BANP: variants seen among roughly 807,000 people sequenced by gnomAD.
BANP encodes the protein protein BANP.
BANP carries 11 observed loss-of-function variants against 68.1 expected under a neutral mutation model. The ratio of observed to expected loss-of-function variants is 0.16; its 90% CI spans 0.10 to 0.27. BANP has a LOEUF of 0.27. BANP is among the 10% of genes least tolerant of loss of function. The pLI is 1.00. For missense variants in BANP, 504 were observed against 722.7 expected (o/e 0.70, Z 3.47); for synonymous variants, 329 against 303.2 (o/e 1.09, Z -0.88).
At chr16:88,068,921 C>G (rs2089544449) in intron 12 of BANP, among the ~76,000 whole-genome samples, 1 of 151,794 alleles carries the variant, frequency 6.6e-6, no homozygotes, top group South Asian at 2.1e-4. Flanking sequence ...GCCAGAGTCT[C>G]TGCGGCTGAC....
intron 11 of BANP, among the ~76,000 whole-genome samples, chr16:88,061,082 C>T (rs547153923): frequency 2.4e-4 from 36 of 152,332 alleles, no homozygotes; most frequent in African/African-American, 8.4e-4. Context: ...CACTTCCCTT[C>T]CTTCGAGTTT....
At chr16:88,056,939 T>TA (rs2085201761) in intron 11 of BANP, among the ~76,000 whole-genome samples, 1 of 152,226 alleles carries the variant, frequency 6.6e-6, no homozygotes, top group African/African-American at 2.4e-5. Context: ...AACTACGGCT[T>TA]ACGTTCACCA....
chr16:87,993,385 T>C (rs1404674043), intron 4 of BANP, among the ~76,000 whole-genome samples: 1 of 151,822 alleles, frequency 6.6e-6, no homozygotes, highest in Non-Finnish European at 1.5e-5. Context: ...GTCTCTTCTT[T>C]CCCATTTATT....
chr16:88,020,214 T>A (rs578251362), intron 7 of BANP, among the ~76,000 whole-genome samples: 1 of 152,216 alleles, frequency 6.6e-6, no homozygotes, highest in East Asian at 1.9e-4. Flanking sequence ...GGCCCTGGGG[T>A]CTCTGTTCAA....
At chr16:88,014,186 C>T (rs932406742) in intron 6 of BANP, among the ~76,000 whole-genome samples, 2 of 152,164 alleles carry the variant, frequency 1.3e-5, no homozygotes, top group African/African-American at 4.8e-5. Flanking sequence ...AGGGAGGGCT[C>T]ATTGTGACCT....
intron 4 of BANP, among the ~76,000 whole-genome samples, chr16:87,992,886 T>C (rs1243295077): frequency 6.6e-6 from 1 of 152,232 alleles, no homozygotes; most frequent in Non-Finnish European, 1.5e-5. Context: ...TTCTAGAGTG[T>C]GTCCGCACAC....
At chr16:87,986,757 G>T (rs962906414) in intron 4 of BANP, among the ~76,000 whole-genome samples, 6 of 152,168 alleles carry the variant, frequency 3.9e-5, no homozygotes, top group South Asian at 2.1e-4. Flanking sequence ...TGCGGTGGTT[G>T]TCTGTCTACT....
chr16:87,977,929 G>A (rs2062500568), intron 2 of BANP, among the ~76,000 whole-genome samples: 1 of 152,142 alleles, frequency 6.6e-6, no homozygotes, highest in Non-Finnish European at 1.5e-5. Flanking sequence ...TTTGTCTCCT[G>A]GATTCAAGCG....
At chr16:87,980,884 CT>C in intron 2 of BANP, 151 bp from the exon 3 acceptor site, 1 of 610,432 alleles carries the variant, frequency 1.6e-6, no homozygotes, top group East Asian at 2.8e-5. Flanking sequence ...TTCTGCCTGA[CT>C]GAGAATAAGT....
intron 1 of BANP, among the ~76,000 whole-genome samples, chr16:87,968,792 C>T (rs141229288): frequency 1.2e-3 from 190 of 152,212 alleles, no homozygotes; most frequent in African/African-American, 4.1e-3. Flanking sequence ...CATGAGCGTG[C>T]GTAGGTGGAG....
intron 4 of BANP, among the ~76,000 whole-genome samples, chr16:87,994,026 G>A (rs1225567947): frequency 2.0e-5 from 3 of 152,200 alleles, no homozygotes; most frequent in Non-Finnish European, 2.9e-5. Flanking sequence ...AGGATGCGGT[G>A]TTTGGAGGGC....
chr16:88,041,316 C>T (rs1403891795), intron 11 of BANP, among the ~76,000 whole-genome samples: 2 of 152,212 alleles, frequency 1.3e-5, no homozygotes, highest in Non-Finnish European at 2.9e-5. Flanking sequence ...CCAGCAGCAA[C>T]GTCAGTTCCA....
Position 87,984,274 on chromosome 16 carries a change from G to A in BANP, c.362+15G>A. 2 of 1,557,038 alleles carry A rather than the reference G, an allele frequency of 1.3e-6. No homozygotes were observed. The highest frequency in any genetic ancestry group is 2.4e-5 in the South Asian group (2 of 84,854). ...AAAGTGCGATGGTAAGAACAGACCA[G>A]GGTGCCGGGGCCTTCAGGTCACTTG... On this transcript the variant is annotated intron_variant, in intron 4 of 13. Transcript: ENST00000682872.
chr16:87,979,612 C>T (rs1854797558), intron 2 of BANP, among the ~76,000 whole-genome samples: 1 of 152,162 alleles, frequency 6.6e-6, no homozygotes, highest in Admixed American at 6.5e-5. Context: ...TCCTGCTTGG[C>T]TGTGGTGTTG....
At chr16:88,001,305 C>T (rs544600116) in intron 4 of BANP, among the ~76,000 whole-genome samples, 4 of 107,556 alleles carry the variant, frequency 3.7e-5, no homozygotes, top group East Asian at 3.3e-4. Flanking sequence ...CGCACGTGCG[C>T]GGCTAGACTT....
chr16:87,980,489 G>A (rs1322523296), intron 2 of BANP: 1 of 154,028 alleles, frequency 6.5e-6, no homozygotes, highest in African/African-American at 2.4e-5. Context: ...CTTGCTGTGT[G>A]ATGGGGGCAG....
At chr16:88,038,755 G>A (rs2080046469) in intron 11 of BANP, among the ~76,000 whole-genome samples, 1 of 152,130 alleles carries the variant, frequency 6.6e-6, no homozygotes, top group South Asian at 2.1e-4. Flanking sequence ...TGGTTTTGAG[G>A]CTGTGTGTTC....
At chr16:88,038,682 C>A (rs140456332) in intron 11 of BANP, among the ~76,000 whole-genome samples, 1 of 152,124 alleles carries the variant, frequency 6.6e-6, no homozygotes, top group Non-Finnish European at 1.5e-5. Context: ...TACAAAATGA[C>A]GTGCTCCGAC....
intron 7 of BANP, among the ~76,000 whole-genome samples, chr16:88,025,451 G>A (rs958747517): frequency 6.6e-6 from 1 of 152,190 alleles, no homozygotes; most frequent in African/African-American, 2.4e-5. Context: ...CCCGAAAATT[G>A]GAAGCCAAAG....
Sources: gnomAD v4.1 joint callset for allele counts (sites outside exome capture counted in the v4.1 genomes callset) on GRCh38, gnomAD v4.1.1 for gene constraint, MANE v1.5 for transcripts, NCBI Gene and HGNC (gene_info 2026-07-23, HGNC 2026-07-21) for gene names.